The following FSTL5 variants were observed in gnomAD, a reference collection of about 807,000 sequenced individuals.
The protein encoded by FSTL5 is follistatin like 5.
FSTL5 carries 62 observed loss-of-function variants against 89.1 expected under a neutral mutation model. That is an observed-to-expected ratio of 0.70 (90% CI 0.57 to 0.86). FSTL5 has a LOEUF of 0.86. FSTL5 is among the 40% of genes least tolerant of loss of function. The pLI, the probability that FSTL5 is intolerant of heterozygous loss-of-function variation, is 0.00. For synonymous variants in FSTL5, 383 were observed against 346.2 expected (o/e 1.11, Z -1.18); for missense variants, 1,057 against 1,001.6 (o/e 1.06, Z -0.75).
At chr4:161,738,205 CA>C (rs1739887458) in intron 6 of FSTL5, among the ~76,000 whole-genome samples, 1 of 151,978 alleles carries the variant, frequency 6.6e-6, no homozygotes, top group Non-Finnish European at 1.5e-5. Flanking sequence ...TTCACAATGT[CA>C]ATTTTACGTA....
chr4:161,745,601 C>T (rs1045364300), intron 6 of FSTL5, among the ~76,000 whole-genome samples: 1 of 151,760 alleles, frequency 6.6e-6, no homozygotes, highest in African/African-American at 2.4e-5. Context: ...GGAAAAGGAC[C>T]TACACTTTTG....
At chr4:161,977,584 G>C (rs11100397) in intron 3 of FSTL5, among the ~76,000 whole-genome samples, 6,936 of 137,830 alleles carry the variant, frequency 0.05, 219 homozygotes, top group Non-Finnish European at 0.073. Flanking sequence ...CTGCACTCCA[G>C]CCTGGGCGAC....
chr4:161,598,183 T>C (rs1333840791), intron 7 of FSTL5, among the ~76,000 whole-genome samples: 2 of 152,102 alleles, frequency 1.3e-5, no homozygotes, highest in Admixed American at 1.3e-4. Context: ...GAGACCAGCC[T>C]GGCCAACATG....
chr4:162,148,197 G>A (rs1185063266), intron 1 of FSTL5, among the ~76,000 whole-genome samples: 1 of 152,036 alleles, frequency 6.6e-6, no homozygotes, highest in African/African-American at 2.4e-5. Context: ...GAAGCTATTT[G>A]AACCTTCCCA....
intron 3 of FSTL5, among the ~76,000 whole-genome samples, chr4:161,977,483 G>A (rs968432135): frequency 5.3e-5 from 8 of 150,720 alleles, no homozygotes; most frequent in African/African-American, 1.9e-4. Flanking sequence ...CCTGGTGGCG[G>A]GCACCTGTAG....
At position 161,635,035 on chromosome 4, in the gene FSTL5, A is replaced by G. The variant is rs190070218; in HGVS notation, c.894+21293T>C. 2.0e-3 allele frequency among the ~76,000 whole-genome samples: 292 copies of G among 144,690 alleles called. 1 individual carries two copies. The highest frequency in any genetic ancestry group is 0.019 in the Admixed American group (278 of 14,450). The allele number at this position is 144,690 out of a possible 152,430, so 94.9% of individuals were successfully genotyped here. ...TTATTTGTCAATTATACCTCAATAA[A>G]GCTGAAAAAAAATCTTGTAATTGAA... On this transcript the variant is annotated intron_variant, in intron 7 of 15. Coordinates refer to ENST00000306100, the MANE Select transcript of FSTL5 (RefSeq NM_020116.5).
At chr4:161,403,121 G>T (rs1404261959) in intron 15 of FSTL5, among the ~76,000 whole-genome samples, 3 of 152,070 alleles carry the variant, frequency 2.0e-5, no homozygotes, top group African/African-American at 7.2e-5. Flanking sequence ...GAGCCATGGC[G>T]CCCGGCCCCC....
chr4:161,882,033 C>G (rs1732651189), intron 4 of FSTL5, among the ~76,000 whole-genome samples: 1 of 152,042 alleles, frequency 6.6e-6, no homozygotes, highest in Non-Finnish European at 1.5e-5. Context: ...CTTCTGATTA[C>G]TTAAGATTTC....
At chr4:161,487,323 T>C (rs768814143) in intron 12 of FSTL5, among the ~76,000 whole-genome samples, 8 of 152,174 alleles carry the variant, frequency 5.3e-5, no homozygotes, top group Non-Finnish European at 1.2e-4. Flanking sequence ...TCATGCAGAA[T>C]CATTGAGAAA....
intron 4 of FSTL5, among the ~76,000 whole-genome samples, chr4:161,830,926 T>C (rs1468210278): frequency 1.3e-5 from 2 of 152,012 alleles, no homozygotes; most frequent in Admixed American, 1.3e-4. Flanking sequence ...GTTATTTTAA[T>C]AGTGGTATTA....
At chr4:162,041,188 G>T (rs1578977122) in intron 2 of FSTL5, among the ~76,000 whole-genome samples, 1 of 114,266 alleles carries the variant, frequency 8.8e-6, no homozygotes, top group Non-Finnish European at 1.7e-5. Context: ...AATTTATAGA[G>T]AAAGATGAGA....
chr4:161,618,521 T>A (rs1271290282), intron 7 of FSTL5, among the ~76,000 whole-genome samples: 1 of 149,124 alleles, frequency 6.7e-6, no homozygotes, highest in Non-Finnish European at 1.5e-5. Context: ...TTATTGAGAG[T>A]TTTTAGCATG....
At chr4:162,137,755 C>G (rs756332223) in intron 1 of FSTL5, among the ~76,000 whole-genome samples, 1 of 152,158 alleles carries the variant, frequency 6.6e-6, no homozygotes, top group Non-Finnish European at 1.5e-5. Flanking sequence ...AGACAAAAAA[C>G]GCTTTTGTTT....
chr4:161,541,432 ATT>A (rs1384686981), intron 9 of FSTL5, among the ~76,000 whole-genome samples: 4 of 152,026 alleles, frequency 2.6e-5, no homozygotes, highest in Non-Finnish European at 5.9e-5. Flanking sequence ...ACTTTTATTC[ATT>A]TAATTTCTGT....
At chr4:162,085,404 A>C (rs1268830634) in intron 2 of FSTL5, among the ~76,000 whole-genome samples, 1 of 152,054 alleles carries the variant, frequency 6.6e-6, no homozygotes, top group Admixed American at 6.6e-5. Flanking sequence ...GATTTTTTTC[A>C]ATTTCAGTAT....
At chr4:161,761,391 G>T (rs1409623467) in intron 5 of FSTL5, among the ~76,000 whole-genome samples, 2 of 152,112 alleles carry the variant, frequency 1.3e-5, no homozygotes, top group African/African-American at 4.8e-5. Flanking sequence ...CAGTGTGCGC[G>T]ATTCTACCGC....
chr4:161,992,104 G>C, intron 3 of FSTL5, among the ~76,000 whole-genome samples: 1 of 152,254 alleles, frequency 6.6e-6, no homozygotes, highest in Non-Finnish European at 1.5e-5. Context: ...AGATTAAAAG[G>C]CAGGAACATA....
intron 12 of FSTL5, among the ~76,000 whole-genome samples, chr4:161,492,355 T>C (rs73861552): frequency 6.6e-6 from 1 of 152,158 alleles, no homozygotes; most frequent in Non-Finnish European, 1.5e-5. Context: ...TTAGATCTCA[T>C]CTGTAAACTA....
chr4:161,877,325 TATA>T (rs1287933712), intron 4 of FSTL5, among the ~76,000 whole-genome samples: 7 of 150,876 alleles, frequency 4.6e-5, no homozygotes, highest in Admixed American at 4.0e-4. Context: ...ACTATGATAA[TATA>T]ATATGTTGTC....
Sources: allele counts gnomAD v4.1 joint callset (sites outside exome capture counted in the v4.1 genomes callset), GRCh38; gene constraint gnomAD v4.1.1; transcripts MANE v1.5; gene names NCBI Gene and HGNC (gene_info 2026-07-23, HGNC 2026-07-21).